Variants in LRP1B observed in about 807,000 individuals in gnomAD.
LRP1B encodes LDL receptor related protein 1B.
LRP1B carries 217 observed loss-of-function variants against 556.6 expected under a neutral mutation model. The observed-to-expected ratio is 0.39, with a 90% CI of 0.35 to 0.44. The LOEUF (loss-of-function observed/expected upper bound fraction) is 0.44. LRP1B is among the 20% of genes least tolerant of loss of function. LRP1B has a pLI of 1.00. For missense variants in LRP1B, 5,053 were observed against 5,620.8 expected, an observed-to-expected ratio of 0.90 and a Z score of 3.23; for synonymous variants, 2,047 against 1,865.8, an observed-to-expected ratio of 1.10 and a Z score of -2.50.
In LRP1B at chr2:141,586,756, G is replaced by C. The variant is rs976341115; in HGVS notation, c.206-106223C>G. Among the ~76,000 whole-genome samples the C allele has an allele frequency of 4.1e-4, 63 of 151,950 alleles. 1 individual carries two copies. Among genetic ancestry groups the C allele is most frequent in the African/African-American group, 1.5e-3 (63 of 41,446 alleles). ...AGGAGATCGAGACCATCCTGGCTAA[G>C]ACGGTGAAACCCCGTCTCTACTAAA... On this transcript the variant is annotated intron_variant, in intron 2 of 90. Coordinates refer to ENST00000389484, the MANE Select transcript of LRP1B (RefSeq NM_018557.3).
intron 2 of LRP1B, among the ~76,000 whole-genome samples, chr2:141,544,386 TCCTCCTCCTCCTCCTC>T (rs1574065128): frequency 7.5e-5 from 6 of 80,362 alleles, no homozygotes; most frequent in South Asian, 5.4e-4. Context: ...CTTCTTCTCC[TCCTCCTCCTCCTCCTC>T]CTCCTCCTCC....
rs2105155727 is a variant in LRP1B, at chr2:140,868,081, A to G, written c.4334+18T>C. 1 of 1,573,628 alleles carries G rather than the reference A, an allele frequency of 6.4e-7. No homozygotes were observed. Among genetic ancestry groups the G allele is most frequent in the Non-Finnish European group, 8.6e-7 (1 of 1,167,386 alleles). On this transcript the variant is annotated intron_variant, in intron 26 of 90. Transcript: ENST00000389484. ...CTAAGTAAAAAAAAAAATACAGAAAAGAGATGATTTTTTAAACCTGGCGTC... is the reference window on the plus strand; with the variant it reads ...CTAAGTAAAAAAAAAAATACAGAAAGGAGATGATTTTTTAAACCTGGCGTC...
intron 7 of LRP1B, among the ~76,000 whole-genome samples, chr2:141,105,612 T>C (rs1243393164): frequency 6.6e-6 from 1 of 152,136 alleles, no homozygotes; most frequent in Non-Finnish European, 1.5e-5. Flanking sequence ...CTGGTTTCAA[T>C]AATAGTAAAC....
intron 51 of LRP1B, 136 bp downstream of exon 51, chr2:140,514,517 A>T (rs1351381497): frequency 1.7e-5 from 11 of 635,476 alleles, no homozygotes; most frequent in Non-Finnish European, 2.6e-5. Context: ...TGAAAATAAT[A>T]AAAACAGCTA....
chr2:140,337,935 A>G (rs1183256980), intron 77 of LRP1B, among the ~76,000 whole-genome samples: 1 of 151,732 alleles, frequency 6.6e-6, no homozygotes, highest in African/African-American at 2.4e-5. Flanking sequence ...CCTAATGTTC[A>G]TAGAGCATTC....
At chr2:140,937,969 A>T (rs1400126802) in intron 20 of LRP1B, among the ~76,000 whole-genome samples, 1 of 151,770 alleles carries the variant, frequency 6.6e-6, no homozygotes, top group East Asian at 1.9e-4. Flanking sequence ...CACAAAGAAC[A>T]TAGCATGATT....
intron 7 of LRP1B, among the ~76,000 whole-genome samples, chr2:141,093,948 C>T (rs186594002): frequency 1.3e-5 from 2 of 152,210 alleles, no homozygotes; most frequent in Admixed American, 1.3e-4. Flanking sequence ...AATGCCTGAC[C>T]TCAAGTGATC....
chr2:140,465,197 A>G (rs557403550), intron 60 of LRP1B, among the ~76,000 whole-genome samples: 1 of 152,256 alleles, frequency 6.6e-6, no homozygotes, highest in East Asian at 1.9e-4. Flanking sequence ...GCACGTGGAG[A>G]GGTGCCACAC....
At chr2:141,610,243 A>G (rs1265316070) in intron 2 of LRP1B, among the ~76,000 whole-genome samples, 1 of 140,428 alleles carries the variant, frequency 7.1e-6, no homozygotes, top group Non-Finnish European at 1.6e-5. Context: ...GGTGCGGCAC[A>G]CCAGCATGAC....
chr2:140,935,885 C>T (rs1253689920), intron 20 of LRP1B, among the ~76,000 whole-genome samples: 2 of 151,440 alleles, frequency 1.3e-5, no homozygotes, highest in Non-Finnish European at 2.9e-5. Context: ...TCTGCTGATA[C>T]ACACACACAC....
chr2:141,659,191 CT>C (rs566275260), intron 2 of LRP1B, among the ~76,000 whole-genome samples: 205 of 152,260 alleles, frequency 1.3e-3, no homozygotes, highest in African/African-American at 4.8e-3. Flanking sequence ...GCATAAGCCA[CT>C]GTACCAGGCC....
chr2:140,503,175 A>T (rs1689270359), intron 53 of LRP1B, 72 bp from the exon 54 acceptor site: 1 of 1,334,408 alleles, frequency 7.5e-7, no homozygotes, highest in Non-Finnish European at 1.1e-6. Context: ...TCCTCAATGT[A>T]CACTACACCG....
intron 29 of LRP1B, among the ~76,000 whole-genome samples, chr2:140,842,666 A>C (rs1373716668): frequency 6.6e-6 from 1 of 151,912 alleles, no homozygotes; most frequent in Admixed American, 6.6e-5. Context: ...GCCACGTCTT[A>C]TACATATTTA....
At chr2:141,838,155 A>C (rs1574414474) in intron 1 of LRP1B, among the ~76,000 whole-genome samples, 1 of 152,142 alleles carries the variant, frequency 6.6e-6, no homozygotes, top group Non-Finnish European at 1.5e-5. Context: ...TGGGGGATGC[A>C]GAAATACAAA....
chr2:141,617,579 T>C (rs539874853), intron 2 of LRP1B, among the ~76,000 whole-genome samples: 6 of 152,196 alleles, frequency 3.9e-5, no homozygotes, highest in African/African-American at 1.2e-4. Flanking sequence ...TTCTTAGTCT[T>C]TTCTCATAAG....
chr2:141,059,191 G>A, intron 8 of LRP1B, 137 bp from the exon 9 acceptor site: 1 of 554,340 alleles, frequency 1.8e-6, no homozygotes. Context: ...TTTTTCTCAA[G>A]GAGTTCAACA....
intron 4 of LRP1B, among the ~76,000 whole-genome samples, chr2:141,253,278 T>C (rs185012084): frequency 2.0e-5 from 3 of 152,274 alleles, no homozygotes; most frequent in Non-Finnish European, 2.9e-5. Flanking sequence ...TCTGAACTTT[T>C]GTGTGCAATT....
chr2:141,729,053 C>CT (rs1458800520), intron 2 of LRP1B, among the ~76,000 whole-genome samples: 1 of 152,122 alleles, frequency 6.6e-6, no homozygotes, highest in Non-Finnish European at 1.5e-5. Flanking sequence ...GTTCATTCCG[C>CT]TTATTACAGC....
chr2:140,846,002 G>C (rs1205082083), intron 29 of LRP1B, among the ~76,000 whole-genome samples: 2 of 152,102 alleles, frequency 1.3e-5, no homozygotes, highest in Non-Finnish European at 2.9e-5. Context: ...ATTGATGAAA[G>C]ACAGGGCCCC....
Sources: allele counts gnomAD v4.1 joint callset (sites outside exome capture counted in the v4.1 genomes callset), GRCh38; gene constraint gnomAD v4.1.1; transcripts MANE v1.5; gene names NCBI Gene and HGNC (gene_info 2026-07-23, HGNC 2026-07-21).